The following MAGI2 variants were observed in gnomAD, a reference collection of about 807,000 sequenced individuals.
MAGI2 encodes the protein membrane associated guanylate kinase, WW and PDZ domain containing 2, also known as membrane-associated guanylate kinase, WW and PDZ domain-containing protein 2.
MAGI2 carries 35 observed loss-of-function variants against 133.3 expected under a neutral mutation model. The ratio of observed to expected loss-of-function variants is 0.26; its 90% CI spans 0.20 to 0.35. MAGI2 has a LOEUF of 0.35. MAGI2 is among the 10% of genes least tolerant of loss of function. The pLI, the probability that MAGI2 is intolerant of heterozygous loss-of-function variation, is 1.00. For synonymous variants in MAGI2, 729 were observed against 710.6 expected (o/e 1.03, Z -0.41); for missense variants, 1,636 against 1,863.4 (o/e 0.88, Z 2.25).
chr7:78,558,389 T>C (rs1317969041), intron 3 of MAGI2, among the ~76,000 whole-genome samples: 1 of 152,168 alleles, frequency 6.6e-6, no homozygotes. Flanking sequence ...ATCTTAAGTA[T>C]TCCTTTAGTA....
At chr7:79,178,949 G>A (rs997821628) in intron 1 of MAGI2, among the ~76,000 whole-genome samples, 5 of 151,790 alleles carry the variant, frequency 3.3e-5, no homozygotes, top group Non-Finnish European at 7.4e-5. Context: ...AGAGCAATAA[G>A]TTTTGCAAAA....
chr7:78,294,749 C>T (rs890760424), intron 9 of MAGI2, among the ~76,000 whole-genome samples: 2 of 152,096 alleles, frequency 1.3e-5, no homozygotes, highest in Non-Finnish European at 2.9e-5. Context: ...CGGTACTACG[C>T]TAAGTACGAT....
intron 2 of MAGI2, among the ~76,000 whole-genome samples, chr7:78,951,384 C>A (rs1192848896): frequency 1.3e-5 from 2 of 152,142 alleles, no homozygotes; most frequent in Non-Finnish European, 2.9e-5. Context: ...TCACGTTCTG[C>A]ATGGCTGGGG....
chr7:78,072,741 C>T (rs905519880), intron 21 of MAGI2: 1 of 396,010 alleles, frequency 2.5e-6, no homozygotes. Context: ...TGTGCAGTGG[C>T]ACGATCATGG....
intron 2 of MAGI2, among the ~76,000 whole-genome samples, chr7:78,709,669 C>A (rs1009181072): frequency 1.6e-4 from 25 of 152,186 alleles, no homozygotes; most frequent in African/African-American, 4.1e-4. Flanking sequence ...TTGAAATAGG[C>A]CCTGAAGATG....
intron 2 of MAGI2, among the ~76,000 whole-genome samples, chr7:78,913,181 T>C (rs1435287012): frequency 3.3e-5 from 5 of 152,114 alleles, no homozygotes; most frequent in African/African-American, 4.8e-5. Flanking sequence ...TCTGTGTCCC[T>C]GTCCAAATCT....
chr7:79,173,524 G>A (rs116650718), intron 1 of MAGI2, among the ~76,000 whole-genome samples: 7,641 of 151,906 alleles, frequency 0.05, 311 homozygotes, highest in African/African-American at 0.11. Context: ...CAGAGATGGG[G>A]TCTCACTTTG....
intron 9 of MAGI2, among the ~76,000 whole-genome samples, chr7:78,295,817 G>GTCA (rs767640321): frequency 2.0e-5 from 3 of 152,060 alleles, no homozygotes; most frequent in African/African-American, 7.2e-5. Flanking sequence ...AATATCCATA[G>GTCA]TCATCTCAAA....
intron 9 of MAGI2, among the ~76,000 whole-genome samples, chr7:78,318,162 T>A (rs1787623349): frequency 6.6e-6 from 1 of 152,068 alleles, no homozygotes; most frequent in African/African-American, 2.4e-5. Context: ...AGGTGGGTAA[T>A]AACAAACTCC....
rs1161182372 is a variant in MAGI2, at chr7:79,233,955, G to A, written c.301+219065C>T. On this transcript the variant is annotated intron_variant, in intron 1 of 21. Transcript: ENST00000354212. ...TACTGGTTGTTCCTTTCCATGTTTA[G>A]CGCTTCCTTCAGGAGCTCTTTTAGG... 2.7e-5 allele frequency among the ~76,000 whole-genome samples: 4 copies of A among 148,668 alleles called. No individual in the cohort carries two copies. In the East Asian group the frequency reaches 6.0e-4, roughly 22 times the overall value.
intron 1 of MAGI2, among the ~76,000 whole-genome samples, chr7:79,326,856 G>C (rs2129086691): frequency 6.6e-6 from 1 of 152,166 alleles, no homozygotes; most frequent in East Asian, 1.9e-4. Flanking sequence ...CCTCTTTTCG[G>C]CATGATGACG....
At chr7:78,520,579 A>C (rs536675453) in intron 4 of MAGI2, among the ~76,000 whole-genome samples, 10 of 152,290 alleles carry the variant, frequency 6.6e-5, no homozygotes, top group African/African-American at 2.4e-4. Flanking sequence ...ACCATTAAAA[A>C]ATAAATAATA....
chr7:78,677,808 A>G (rs1367522088), intron 2 of MAGI2, among the ~76,000 whole-genome samples: 1 of 152,098 alleles, frequency 6.6e-6, no homozygotes, highest in East Asian at 1.9e-4. Flanking sequence ...AGTTGCCTGA[A>G]GTTAACACTT....
chr7:78,276,926 T>TA (rs1795115613), intron 9 of MAGI2, among the ~76,000 whole-genome samples: 2 of 152,132 alleles, frequency 1.3e-5, no homozygotes, highest in South Asian at 4.1e-4. Context: ...GTCATCAATA[T>TA]AGAGACCTAG....
chr7:79,012,737 A>G (rs374632035), intron 1 of MAGI2, among the ~76,000 whole-genome samples: 4 of 152,164 alleles, frequency 2.6e-5, no homozygotes, highest in South Asian at 2.1e-4. Context: ...TTTCTCATCT[A>G]TAAAAGGAAG....
intron 10 of MAGI2, among the ~76,000 whole-genome samples, chr7:78,241,942 A>C (rs984958779): frequency 1.3e-5 from 2 of 151,782 alleles, no homozygotes; most frequent in African/African-American, 4.9e-5. Context: ...TCAAAAAAAA[A>C]AAAAGATTTC....
At chr7:79,277,409 C>T (rs1026623108) in intron 1 of MAGI2, among the ~76,000 whole-genome samples, 13 of 151,946 alleles carry the variant, frequency 8.6e-5, no homozygotes, top group African/African-American at 1.9e-4. Flanking sequence ...TTATATACAC[C>T]GGGAAACAAA....
intron 3 of MAGI2, among the ~76,000 whole-genome samples, chr7:78,544,939 G>A (rs1431102759): frequency 2.6e-5 from 4 of 151,654 alleles, no homozygotes; most frequent in Admixed American, 6.6e-5. Flanking sequence ...GATTACAGGC[G>A]TGAGCCACCG....
intron 6 of MAGI2, among the ~76,000 whole-genome samples, chr7:78,390,684 T>C (rs1019481609): frequency 2.6e-5 from 4 of 151,784 alleles, no homozygotes; most frequent in African/African-American, 9.7e-5. Flanking sequence ...GAAAAAGGAG[T>C]ATTTAACTTC....
Sources: gnomAD v4.1 joint callset for allele counts (sites outside exome capture counted in the v4.1 genomes callset) on GRCh38, gnomAD v4.1.1 for gene constraint, MANE v1.5 for transcripts, NCBI Gene and HGNC (gene_info 2026-07-23, HGNC 2026-07-21) for gene names.